Variants in EBF2 observed in about 807,000 individuals in gnomAD.
The protein encoded by EBF2 is transcription factor COE2.
Under a neutral mutation model 72.8 loss-of-function variants are expected in EBF2, and 21 were observed. The observed-to-expected ratio is 0.29, with a 90% CI of 0.20 to 0.42. EBF2 has a LOEUF of 0.42. Among genes scored for constraint, EBF2 ranks in the 10% least tolerant of loss-of-function variants. The pLI, the probability that EBF2 is intolerant of heterozygous loss-of-function variation, is 1.00. For synonymous variants in EBF2, 299 were observed against 274.2 expected (o/e 1.09, Z -0.89); for missense variants, 637 against 731.2 (o/e 0.87, Z 1.49).
intron 7 of EBF2, among the ~76,000 whole-genome samples, chr8:25,890,846 A>T (rs1246846906): frequency 6.6e-6 from 1 of 152,216 alleles, no homozygotes; most frequent in African/African-American, 2.4e-5. Context: ...AATCAGAAGC[A>T]CTTCTAGATG....
intron 6 of EBF2, among the ~76,000 whole-genome samples, chr8:25,995,174 T>C (rs1804604359): frequency 6.6e-6 from 1 of 151,920 alleles, no homozygotes; most frequent in South Asian, 2.1e-4. Context: ...GGCGTGGTGG[T>C]GCATGCCTGT....
At chr8:25,928,116 G>T (rs961822879) in intron 6 of EBF2, among the ~76,000 whole-genome samples, 5 of 152,152 alleles carry the variant, frequency 3.3e-5, no homozygotes, top group Admixed American at 3.3e-4. Context: ...AAGGGAAAAG[G>T]AATAAATTAG....
intron 6 of EBF2, among the ~76,000 whole-genome samples, chr8:25,977,570 G>C (rs931776371): frequency 3.3e-5 from 5 of 152,180 alleles, no homozygotes; most frequent in Non-Finnish European, 7.3e-5. Flanking sequence ...AGAGGAAGAA[G>C]AAGAGAAAGA....
rs1349917036 is a variant in EBF2 at position 26,042,240 on chromosome 8, A to G, written c.143T>C (p.Leu48Pro). Residue 48 changes from leucine to proline, a missense_variant, in exon 2 of 16, where the codon CTG (leucine) becomes CCG (proline). Physicochemically the swap from Leu to Pro is moderately conservative, Grantham distance 98 (BLOSUM62 -3). Transcript: ENST00000520164. ...ANVAAQSGVA[L>P]SRAHFEKQPP... ...CTGTTTCTCAAAGTGGGCCCGGGAC[A>G]GGGCGACCCCGCTGCACAGGGAGAA... 6.2e-7 allele frequency: 1 copy of G among 1,613,704 alleles called. No individual in the cohort carries two copies. The highest frequency in any genetic ancestry group is 1.1e-5 in the South Asian group (1 of 91,026).
At chr8:25,899,322 G>T (rs919912977) in intron 7 of EBF2, among the ~76,000 whole-genome samples, 1 of 151,580 alleles carries the variant, frequency 6.6e-6, no homozygotes, top group Non-Finnish European at 1.5e-5. Flanking sequence ...TCAGATAATG[G>T]ACTCACCTGC....
chr8:25,907,985 C>G (rs1312413230), intron 7 of EBF2, among the ~76,000 whole-genome samples: 1 of 152,178 alleles, frequency 6.6e-6, no homozygotes, highest in Admixed American at 6.5e-5. Flanking sequence ...GGGTCACCGT[C>G]CCGTGGGTCT....
intron 6 of EBF2, among the ~76,000 whole-genome samples, chr8:25,987,543 T>C (rs1266729170): frequency 6.6e-6 from 1 of 152,210 alleles, no homozygotes; most frequent in East Asian, 1.9e-4. Context: ...TAAGAACTTC[T>C]ATGAGTGGCA....
intron 6 of EBF2, among the ~76,000 whole-genome samples, chr8:25,987,551 G>C (rs1208198759): frequency 6.6e-6 from 1 of 152,140 alleles, no homozygotes; most frequent in Non-Finnish European, 1.5e-5. Context: ...TCTATGAGTG[G>C]CATCATATCC....
chr8:26,002,304 C>T (rs1405285501), intron 6 of EBF2, among the ~76,000 whole-genome samples: 1 of 152,110 alleles, frequency 6.6e-6, no homozygotes, highest in East Asian at 1.9e-4. Flanking sequence ...TATTTTGTTG[C>T]TCCGTTCTTG....
chr8:26,021,833 G>A lies in EBF2; in HGVS notation c.551+11252C>T, dbSNP rs193003909. Among the ~76,000 whole-genome samples the A allele has an allele frequency of 3.9e-5, 6 of 152,320 alleles. No individual in the cohort carries two copies. In the East Asian group the frequency reaches 1.2e-3, roughly 29 times the overall value. ...GAATGAATGAATGACAGAGGAGTAA[G>A]CAAACCCGTGCTGATGCCAAATTTT... is the stretch of plus-strand genomic sequence containing the variant. On this transcript the variant is annotated intron_variant, in intron 6 of 15. Transcript: ENST00000520164.
At chr8:26,033,222 C>G (rs991735765) in intron 5 of EBF2, 69 bp from the exon 6 acceptor site, 7 of 1,487,924 alleles carry the variant, frequency 4.7e-6, no homozygotes, top group Non-Finnish European at 6.6e-6. Context: ...GAGCACATGA[C>G]AAGAACATTT....
intron 6 of EBF2, among the ~76,000 whole-genome samples, chr8:25,972,723 A>C (rs150623060): frequency 0.015 from 2,238 of 152,262 alleles, 61 homozygotes; most frequent in African/African-American, 0.051. Flanking sequence ...CTGTGCCCCA[A>C]GCTCAAAGTA....
intron 10 of EBF2, among the ~76,000 whole-genome samples, chr8:25,885,842 T>C (rs1436876834): frequency 6.6e-6 from 1 of 152,176 alleles, no homozygotes; most frequent in Non-Finnish European, 1.5e-5. Context: ...GTCTCGGGTA[T>C]GTCTTTATCA....
chr8:25,862,841 A>G, intron 10 of EBF2, 44 bp from the exon 11 acceptor site: 1 of 1,432,052 alleles, frequency 7.0e-7, no homozygotes, highest in Non-Finnish European at 9.5e-7. Flanking sequence ...TCCTGGCTAT[A>G]AAGCAAACCT....
Position 26,045,019 on chromosome 8 carries a change from T to TC in EBF2, c.-161dup. The TC allele has an allele frequency of 1.3e-6, 1 of 774,892 alleles. No individual in the cohort carries two copies. The highest frequency in any genetic ancestry group is 2.0e-6 in the Non-Finnish European group (1 of 504,826). The allele number at this position is 774,892 out of a possible 1,614,324, so 48.0% of individuals were successfully genotyped here. A position where few individuals can be genotyped will look rare whatever the true frequency, so the allele number is the denominator to read the frequency against. ...TTAGAAAAAAAAAAAAGATAACCCG[T>TC]CCTTTGCTTCACTGGCGAGGTGCGG... On this transcript the variant is annotated 5_prime_UTR_variant, in exon 1 of 16. Coordinates refer to ENST00000520164, the MANE Select transcript of EBF2 (RefSeq NM_022659.4).
At chr8:25,941,355 G>A (rs1803666395) in intron 6 of EBF2, among the ~76,000 whole-genome samples, 1 of 152,042 alleles carries the variant, frequency 6.6e-6, no homozygotes, top group Non-Finnish European at 1.5e-5. Context: ...ACAGGTGCCT[G>A]CCACCATGCC....
chr8:26,005,561 T>TATATATATATAGAG (rs375386709), intron 6 of EBF2, among the ~76,000 whole-genome samples: 7 of 63,900 alleles, frequency 1.1e-4, no homozygotes, highest in African/African-American at 5.1e-4. Flanking sequence ...TATATATATA[T>TATATATATATAGAG]AGAGAGAGAG....
intron 6 of EBF2, among the ~76,000 whole-genome samples, chr8:25,991,964 CA>C (rs1219954963): frequency 6.6e-6 from 1 of 152,116 alleles, no homozygotes; most frequent in African/African-American, 2.4e-5. Context: ...AGTCATTCAA[CA>C]GAATACCACT....
intron 6 of EBF2, among the ~76,000 whole-genome samples, chr8:25,977,989 C>G (rs961649484): frequency 5.9e-5 from 9 of 152,010 alleles, no homozygotes; most frequent in African/African-American, 1.7e-4. Flanking sequence ...TTTCTTGACC[C>G]TATCCCGTTG....
Sources: gnomAD v4.1 joint callset for allele counts (sites outside exome capture counted in the v4.1 genomes callset) on GRCh38, gnomAD v4.1.1 for gene constraint, MANE v1.5 for transcripts, NCBI Gene and HGNC (gene_info 2026-07-23, HGNC 2026-07-21) for gene names.